The following LGR6 variants were observed in gnomAD, a reference collection of about 807,000 sequenced individuals.
LGR6 encodes the protein leucine rich repeat containing G protein-coupled receptor 6.
Under a neutral mutation model 69.4 loss-of-function variants are expected in LGR6, and 45 were observed. The ratio of observed to expected loss-of-function variants is 0.65; its 90% CI spans 0.51 to 0.83. LGR6 has a LOEUF of 0.83. Among genes scored for constraint, LGR6 ranks in the 40% least tolerant of loss-of-function variants. The pLI is 0.00. For synonymous variants in LGR6, 538 were observed against 555.0 expected (o/e 0.97, Z 0.43); for missense variants, 1,108 against 1,246.7 (o/e 0.89, Z 1.68).
At position 202,211,184 on chromosome 1, in the gene LGR6, A is replaced by G. The variant is rs553388557; in HGVS notation, c.213-14239A>G. ...CTCAAGTGTTTATTGAGCATCTACT[A>G]TGTGCCAGAGCCTGGGGAAAGTGCT... On this transcript the variant is annotated intron_variant, in intron 1 of 17. Coordinates refer to ENST00000367278, the MANE Select transcript of LGR6 (RefSeq NM_001017403.2). Among the ~76,000 whole-genome samples, 6 of 152,318 alleles carry G rather than the reference A, an allele frequency of 3.9e-5. No individual in the cohort carries two copies. In the South Asian group the frequency reaches 1.2e-3, roughly 32 times the overall value.
intron 1 of LGR6, among the ~76,000 whole-genome samples, chr1:202,196,489 T>C (rs1488984889): frequency 2.0e-5 from 3 of 152,124 alleles, no homozygotes; most frequent in Non-Finnish European, 4.4e-5. Flanking sequence ...TCGCATCTGA[T>C]GATATAATCA....
intron 16 of LGR6, among the ~76,000 whole-genome samples, chr1:202,312,581 A>G (rs1653827388): frequency 1.3e-5 from 2 of 152,214 alleles, no homozygotes; most frequent in Non-Finnish European, 2.9e-5. Context: ...AGATGGAACA[A>G]GTGCAACAAA....
At chr1:202,262,786 C>A (rs1217539505) in intron 4 of LGR6, among the ~76,000 whole-genome samples, 1 of 152,082 alleles carries the variant, frequency 6.6e-6, no homozygotes, top group Admixed American at 6.5e-5. Context: ...TTATTCTCCC[C>A]ATTGCTAATT....
chr1:202,210,439 A>AAC (rs1553239207), intron 1 of LGR6, among the ~76,000 whole-genome samples: 3 of 151,388 alleles, frequency 2.0e-5, no homozygotes, highest in Admixed American at 2.0e-4. Flanking sequence ...AAAAAAAAAA[A>AAC]AAAACAAAAA....
intron 1 of LGR6, chr1:202,214,331 G>C: frequency 7.9e-7 from 1 of 1,262,706 alleles, no homozygotes; most frequent in Non-Finnish European, 1.1e-6. Flanking sequence ...CGACGGGTGG[G>C]GCGCTACCCG....
At chr1:202,281,794 AC>A (rs1166374686) in intron 6 of LGR6, among the ~76,000 whole-genome samples, 2 of 140,288 alleles carry the variant, frequency 1.4e-5, no homozygotes, top group Admixed American at 7.0e-5. Flanking sequence ...CTTATTCTCC[AC>A]CCCCTCCCAC....
Position 202,290,533 on chromosome 1 carries a change from C to G in LGR6, c.717-6975C>G, listed in dbSNP as rs760505671. 2.0e-5 allele frequency among the ~76,000 whole-genome samples: 3 copies of G among 152,198 alleles called. No individual in the cohort carries two copies. In the East Asian group the frequency reaches 5.8e-4, roughly 29 times the overall value. On this transcript the variant is annotated intron_variant, in intron 6 of 17. Coordinates refer to ENST00000367278, the MANE Select transcript of LGR6 (RefSeq NM_001017403.2). The stretch of plus-strand genomic sequence containing the variant: ...CTGAGTTTGAGTCCTGGCTCTGGGA[C>G]TTGCAGCAATTTACCTCCTCTCTCC...
At chr1:202,291,623 G>A (rs1666799407) in intron 6 of LGR6, among the ~76,000 whole-genome samples, 1 of 152,208 alleles carries the variant, frequency 6.6e-6, no homozygotes, top group South Asian at 2.1e-4. Context: ...TCATTGGGGA[G>A]ACAATATGCA....
chr1:202,271,647 A>G (rs969772634), intron 4 of LGR6, among the ~76,000 whole-genome samples: 1 of 151,934 alleles, frequency 6.6e-6, no homozygotes, highest in Admixed American at 6.6e-5. Flanking sequence ...TCTCTACGAA[A>G]ATACAAAAAA....
intron 4 of LGR6, among the ~76,000 whole-genome samples, chr1:202,261,885 T>C (rs1205539996): frequency 6.6e-6 from 1 of 152,256 alleles, no homozygotes; most frequent in East Asian, 1.9e-4. Context: ...ATGTCTTCTT[T>C]TGAGAAGTGT....
chr1:202,267,660 A>T (rs1370212771), intron 4 of LGR6, among the ~76,000 whole-genome samples: 3 of 152,262 alleles, frequency 2.0e-5, no homozygotes, highest in East Asian at 1.9e-4. Flanking sequence ...ATTAAATATG[A>T]TAATATATGT....
At chr1:202,207,005 C>T (rs1056757425) in intron 1 of LGR6, among the ~76,000 whole-genome samples, 8 of 152,026 alleles carry the variant, frequency 5.3e-5, no homozygotes, top group African/African-American at 1.9e-4. Context: ...GCAACCTCCG[C>T]CTCTCGGGTT....
chr1:202,255,443 C>T (rs958209188), intron 4 of LGR6, among the ~76,000 whole-genome samples: 1 of 152,142 alleles, frequency 6.6e-6, no homozygotes, highest in Non-Finnish European at 1.5e-5. Context: ...TGAAATGAAG[C>T]AAATAAATCC....
intron 12 of LGR6, 55 bp downstream of exon 12, chr1:202,305,804 C>A: frequency 1.4e-6 from 2 of 1,453,746 alleles, no homozygotes; most frequent in Non-Finnish European, 1.9e-6. Flanking sequence ...CTGAGCAAGT[C>A]CTGTAGGGAG....
intron 4 of LGR6, among the ~76,000 whole-genome samples, chr1:202,248,045 G>A (rs1255710540): frequency 6.6e-6 from 1 of 152,204 alleles, no homozygotes; most frequent in Non-Finnish European, 1.5e-5. Context: ...ATGAGCTGTT[G>A]GAGCCCAGGT....
At chr1:202,227,803 G>C in intron 2 of LGR6, 133 bp from the exon 3 acceptor site, 2 of 662,592 alleles carry the variant, frequency 3.0e-6, no homozygotes, top group Non-Finnish European at 5.5e-6. Context: ...AGTATTAAAC[G>C]CATCGTAGAT....
In LGR6 at chr1:202,245,985, T is replaced by G. The variant is rs1662633596; in HGVS notation, c.428+9992T>G. Among the ~76,000 whole-genome samples the G allele has an allele frequency of 1.4e-5, 2 of 141,786 alleles. 1 individual carries two copies. The highest frequency in any genetic ancestry group is 4.9e-4 in the South Asian group (2 of 4,098). The allele number at this position is 141,786 out of a possible 152,430, so 93.0% of individuals were successfully genotyped here. A position where few individuals can be genotyped will look rare whatever the true frequency, so the allele number is the denominator to read the frequency against. ...ATCCATCCCTCCCTCCCTTCATCTA[T>G]CCATTCATCCATCCCCCATCCCTCC... On this transcript the variant is annotated intron_variant, in intron 4 of 17. Transcript: ENST00000367278.
rs749027998 is a variant in LGR6 at position 202,305,748 on chromosome 1, A to G, written c.1135A>G (p.Ile379Val). The G allele has an allele frequency of 9.9e-6, 16 of 1,613,978 alleles. No individual in the cohort carries two copies. The highest frequency in any genetic ancestry group is 1.4e-5 in the Non-Finnish European group (16 of 1,179,966). ...SLHRCQKLEE[I>V]GLQHNRIWEI... ...GCACAGGTGTCAGAAATTGGAGGAA[A>G]TGTGAGTCTGGGGTAGGGAAGAGGC... The change falls in exon 12 of 18, where the codon ATC becomes GTC. Residue 379 changes from isoleucine (I) to valine (V), a missense_variant and splice_region_variant. Physicochemically the swap from Ile to Val is conservative, Grantham distance 29. Transcript: ENST00000367278.
intron 6 of LGR6, among the ~76,000 whole-genome samples, chr1:202,283,198 C>T (rs375061224): frequency 6.6e-6 from 1 of 152,156 alleles, no homozygotes; most frequent in Non-Finnish European, 1.5e-5. Flanking sequence ...CCTCTGAGGG[C>T]CTCCATCTCA....
Sources: gnomAD v4.1 joint callset for allele counts (sites outside exome capture counted in the v4.1 genomes callset) on GRCh38, gnomAD v4.1.1 for gene constraint, MANE v1.5 for transcripts, NCBI Gene and HGNC (gene_info 2026-07-23, HGNC 2026-07-21) for gene names.